Variants in CNTN5 observed in about 807,000 individuals in gnomAD.
CNTN5 encodes contactin 5, also known as contactin-5.
A neutral mutation model predicts 129.1 loss-of-function variants in CNTN5; 77 were observed. The ratio of observed to expected loss-of-function variants is 0.60; its 90% CI spans 0.50 to 0.72. The LOEUF (loss-of-function observed/expected upper bound fraction) is 0.72, where lower values mean the gene tolerates loss of function less well. Among genes scored for constraint, CNTN5 ranks in the 30% least tolerant of loss-of-function variants. The probability of loss-of-function intolerance (pLI) is 0.00; values close to 1 mark genes in which losing one functional copy is unlikely to be tolerated. For synonymous variants in CNTN5, 509 were observed against 465.6 expected, an observed-to-expected ratio of 1.09 and a Z score of -1.20; for missense variants, 1,478 against 1,328.8, an observed-to-expected ratio of 1.11 and a Z score of -1.75.
At chr11:100,252,968 C>A (rs1334480964) in intron 16 of CNTN5, among the ~76,000 whole-genome samples, 1 of 152,048 alleles carries the variant, frequency 6.6e-6, no homozygotes, top group Non-Finnish European at 1.5e-5. Context: ...AGTCACAGGC[C>A]AGCTCAGATT....
At chr11:99,266,604 A>C (rs933916476) in intron 1 of CNTN5, among the ~76,000 whole-genome samples, 1 of 152,116 alleles carries the variant, frequency 6.6e-6, no homozygotes, top group Non-Finnish European at 1.5e-5. Flanking sequence ...CTTGTCTTAA[A>C]AAATAATAAT....
At chr11:99,038,273 GT>G (rs1031452228) in intron 1 of CNTN5, among the ~76,000 whole-genome samples, 6 of 152,076 alleles carry the variant, frequency 3.9e-5, no homozygotes, top group African/African-American at 1.4e-4. Context: ...TATGATAAAA[GT>G]TTTTTTACTT....
At chr11:99,104,006 C>A (rs1866873995) in intron 1 of CNTN5, among the ~76,000 whole-genome samples, 1 of 152,114 alleles carries the variant, frequency 6.6e-6, no homozygotes, top group South Asian at 2.1e-4. Context: ...TTGCTTTAAA[C>A]CTCCAATTTT....
chr11:99,878,429 C>G (rs1484080738), intron 6 of CNTN5, among the ~76,000 whole-genome samples: 1 of 152,094 alleles, frequency 6.6e-6, no homozygotes, highest in Non-Finnish European at 1.5e-5. Flanking sequence ...TTTTCAAATT[C>G]TGAACAACAG....
At chr11:100,318,238 C>T (rs1951608277) in intron 21 of CNTN5, among the ~76,000 whole-genome samples, 1 of 102,176 alleles carries the variant, frequency 9.8e-6, no homozygotes, top group Non-Finnish European at 1.8e-5. Context: ...GAGACTCTGT[C>T]TCAGAAAAAA....
Position 99,681,982 on chromosome 11 carries a change from A to C in CNTN5, c.55+125713A>C, listed in dbSNP as rs117246192. ...CAAAGCAAGGAGTTAATGGAGTGGA[A>C]TTTCAGGAAACACAAAAAAGGGTAA... On this transcript the variant is annotated intron_variant, in intron 3 of 24. Coordinates refer to ENST00000524871, the MANE Select transcript of CNTN5 (RefSeq NM_014361.4). Among the ~76,000 whole-genome samples, 372 of 152,154 alleles carry C rather than the reference A, an allele frequency of 2.4e-3. 3 individuals carry two copies. Among genetic ancestry groups the C allele is most frequent in the Non-Finnish European group, 3.3e-3 (221 of 67,964 alleles).
rs553540845 is a variant in CNTN5, at chr11:99,744,543, T to TAAAAAAAAAAAA, written c.56-74982_56-74971dup. On this transcript the variant is annotated intron_variant, in intron 3 of 24. Coordinates refer to ENST00000524871, the MANE Select transcript of CNTN5 (RefSeq NM_014361.4). ...GCAAAACCCCGTCTCTACAAAAAGTTAAAAAAAAAAAAAAAAAAAAAAAAA... is the reference window on the plus strand; with the variant it reads ...GCAAAACCCCGTCTCTACAAAAAGTTAAAAAAAAAAAAAAAAAAAAAAAAAAAAAAAAAAAAA... Among the ~76,000 whole-genome samples the TAAAAAAAAAAAA allele has an allele frequency of 2.4e-4, 9 of 37,494 alleles. 1 individual carries two copies. The highest frequency in any genetic ancestry group is 1.1e-3 in the East Asian group (1 of 886). The allele number at this position is 37,494 out of a possible 152,430, so 24.6% of individuals were successfully genotyped here. A position where few individuals can be genotyped will look rare whatever the true frequency, so the allele number is the denominator to read the frequency against.
chr11:99,059,994 A>G (rs1864807972), intron 1 of CNTN5, among the ~76,000 whole-genome samples: 1 of 152,096 alleles, frequency 6.6e-6, no homozygotes, highest in Non-Finnish European at 1.5e-5. Flanking sequence ...TAAGATACAT[A>G]TTTAGTATAT....
intron 2 of CNTN5, among the ~76,000 whole-genome samples, chr11:99,450,952 A>G (rs1473296095): frequency 6.6e-6 from 1 of 152,068 alleles, no homozygotes; most frequent in African/African-American, 2.4e-5. Context: ...AATGTACTCA[A>G]TGGAGCAAAG....
intron 13 of CNTN5, among the ~76,000 whole-genome samples, chr11:100,159,448 C>T (rs372167329): frequency 1.2e-4 from 18 of 151,790 alleles, no homozygotes; most frequent in African/African-American, 3.9e-4. Flanking sequence ...TTTCTCAGAA[C>T]GAATATGGAT....
At chr11:99,848,541 A>T (rs1447090138) in intron 6 of CNTN5, among the ~76,000 whole-genome samples, 1 of 152,150 alleles carries the variant, frequency 6.6e-6, no homozygotes, top group South Asian at 2.1e-4. Context: ...AATATTGAAT[A>T]TGAGTCTTAA....
At chr11:100,295,089 T>A (rs1951074876) in intron 18 of CNTN5, among the ~76,000 whole-genome samples, 1 of 151,600 alleles carries the variant, frequency 6.6e-6, no homozygotes, top group African/African-American at 2.4e-5. Context: ...TTTGAGTAGC[T>A]GTTACTTATA....
At chr11:99,469,220 G>C (rs2726387) in intron 2 of CNTN5, among the ~76,000 whole-genome samples, 149,747 of 152,166 alleles carry the variant, frequency 0.98, 73,737 homozygotes, top group East Asian at 1. Context: ...TCAAAATAGC[G>C]AATTTCTATG....
chr11:99,125,263 T>C (rs888548499), intron 1 of CNTN5, among the ~76,000 whole-genome samples: 3 of 151,978 alleles, frequency 2.0e-5, no homozygotes, highest in African/African-American at 7.2e-5. Context: ...TGCATCATGA[T>C]CAAGTAGACT....
At chr11:99,916,553 G>A (rs1374385655) in intron 7 of CNTN5, among the ~76,000 whole-genome samples, 1 of 152,128 alleles carries the variant, frequency 6.6e-6, no homozygotes, top group East Asian at 1.9e-4. Flanking sequence ...GTTGTTTATG[G>A]TGCTCTTTGC....
chr11:100,036,316 C>T (rs1942001903), intron 9 of CNTN5, among the ~76,000 whole-genome samples: 1 of 151,858 alleles, frequency 6.6e-6, no homozygotes, highest in African/African-American at 2.4e-5. Context: ...TGTTCTGTTC[C>T]ATTGGTCTAT....
intron 2 of CNTN5, among the ~76,000 whole-genome samples, chr11:99,356,760 A>C (rs191446633): frequency 1.1e-4 from 16 of 152,356 alleles, no homozygotes; most frequent in Middle Eastern, 3.4e-3. Context: ...AAATAGAATT[A>C]TATTTAGTCA....
At chr11:99,504,497 G>T (rs112095897) in intron 2 of CNTN5, among the ~76,000 whole-genome samples, 6,570 of 140,806 alleles carry the variant, frequency 0.047, 183 homozygotes, top group Middle Eastern at 0.085. Context: ...GCCACTGCAC[G>T]CCAGCCTGGG....
chr11:99,764,217 A>G (rs1173324632), intron 3 of CNTN5, among the ~76,000 whole-genome samples: 1 of 152,038 alleles, frequency 6.6e-6, no homozygotes, highest in Non-Finnish European at 1.5e-5. Flanking sequence ...ACTTTGATAT[A>G]TCTAGTAGTT....
Sources: gnomAD v4.1 joint callset for allele counts (sites outside exome capture counted in the v4.1 genomes callset) on GRCh38, gnomAD v4.1.1 for gene constraint, MANE v1.5 for transcripts, NCBI Gene and HGNC (gene_info 2026-07-23, HGNC 2026-07-21) for gene names.